FLRT1: variants seen among roughly 807,000 people sequenced by gnomAD.
FLRT1 encodes the protein leucine-rich repeat transmembrane protein FLRT1.
In FLRT1, 14 loss-of-function variants were observed where a neutral mutation model predicts 30.9. That is an observed-to-expected ratio of 0.45 (90% CI 0.30 to 0.71). The LOEUF is 0.71. Ranked by LOEUF, FLRT1 falls within the 30% of genes least tolerant of loss-of-function variation. The pLI is 0.08. For missense variants in FLRT1, 737 were observed against 949.2 expected (o/e 0.78, Z 2.94); for synonymous variants, 368 against 430.4 (o/e 0.85, Z 1.80).
intron 1 of FLRT1, among the ~76,000 whole-genome samples, chr11:64,092,717 C>A (rs1944511149): frequency 6.6e-6 from 1 of 152,226 alleles, no homozygotes; most frequent in East Asian, 1.9e-4. Context: ...TGCATGTCAC[C>A]AGCACCAGGC....
chr11:64,058,700 TG>T (rs1435964117), intron 1 of FLRT1, among the ~76,000 whole-genome samples: 1 of 152,264 alleles, frequency 6.6e-6, no homozygotes, highest in Admixed American at 6.5e-5. Context: ...GCTCATTTCC[TG>T]CTCCCTGGCC....
rs1380970319 is a variant in FLRT1, at chr11:64,059,538, A to G, written c.-1038+23379A>G. Reference sequence around the variant, plus strand: ...GGCCCCCCAGGCCATCCCTGCCTGCAGGGTACTTCCACCCTCATCTGGGGA... The same window carrying G: ...GGCCCCCCAGGCCATCCCTGCCTGCGGGGTACTTCCACCCTCATCTGGGGA... On this transcript the variant is annotated intron_variant, in intron 1 of 2. Coordinates refer to ENST00000682287, the MANE Select transcript of FLRT1 (RefSeq NM_013280.5). Among the ~76,000 whole-genome samples the G allele has an allele frequency of 7.9e-5, 12 of 152,082 alleles. No individual in the cohort carries two copies. The South Asian group carries it at 2.5e-3, about 32-fold the overall frequency.
In FLRT1 at chr11:64,117,731, C is replaced by A; in HGVS notation, c.1464C>A (p.Asp488Glu). ...GSITETLVQGDKTEYLLTALE... is the reference protein window; with the variant it reads ...GSITETLVQGEKTEYLLTALE... ...TCACGGAGACCTTGGTGCAGGGGGACAAGACAGAGTACCTGCTGACAGCCC... is the reference window on the plus strand; with the variant it reads ...TCACGGAGACCTTGGTGCAGGGGGAAAAGACAGAGTACCTGCTGACAGCCC... The change falls in exon 3 of 3, where the codon GAC becomes GAA. Residue 488 changes from aspartate (D) to glutamate (E), a missense_variant. By Grantham distance (45) the Asp-to-Glu change is conservative (BLOSUM62 2). Transcript: ENST00000682287. The A allele has an allele frequency of 6.2e-7, 1 of 1,613,802 alleles. No individual in the cohort carries two copies. The highest frequency in any genetic ancestry group is 1.1e-5 in the South Asian group (1 of 91,074).
intron 1 of FLRT1, among the ~76,000 whole-genome samples, chr11:64,088,850 C>T (rs567542821): frequency 6.6e-6 from 1 of 152,200 alleles, no homozygotes; most frequent in Non-Finnish European, 1.5e-5. Context: ...TTGGCAGGGG[C>T]ACTAGGCAGG....
At chr11:64,039,969 G>A (rs1393761868) in intron 1 of FLRT1, among the ~76,000 whole-genome samples, 3 of 152,226 alleles carry the variant, frequency 2.0e-5, no homozygotes, top group Non-Finnish European at 4.4e-5. Context: ...CCTCTGGCAC[G>A]CCTGGCTCCC....
intron 1 of FLRT1, among the ~76,000 whole-genome samples, chr11:64,093,705 G>A (rs1944529620): frequency 6.6e-6 from 1 of 152,170 alleles, no homozygotes; most frequent in Non-Finnish European, 1.5e-5. Context: ...CATGGCCAAG[G>A]TCACTCCCCA....
chr11:64,101,302 C>G (rs1944666965), intron 1 of FLRT1, among the ~76,000 whole-genome samples: 1 of 152,128 alleles, frequency 6.6e-6, no homozygotes, highest in African/African-American at 2.4e-5. Flanking sequence ...CTGCCTCTAT[C>G]CTGAGAGCTA....
chr11:64,105,502 A>T (rs182710866), intron 2 of FLRT1, among the ~76,000 whole-genome samples: 30 of 152,192 alleles, frequency 2.0e-4, no homozygotes, highest in Admixed American at 9.2e-4. Context: ...TGCACTGGGG[A>T]TGCAGCCTGT....
chr11:64,095,256 A>G (rs527540158), intron 1 of FLRT1, among the ~76,000 whole-genome samples: 1 of 152,268 alleles, frequency 6.6e-6, no homozygotes, highest in South Asian at 2.1e-4. Context: ...TCTCAGGCGC[A>G]CTTTAAGTTC....
intron 2 of FLRT1, among the ~76,000 whole-genome samples, chr11:64,112,276 G>A (rs1247032152): frequency 1.3e-5 from 2 of 152,170 alleles, no homozygotes; most frequent in Non-Finnish European, 2.9e-5. Context: ...TACTTTGAGA[G>A]GCCCAGGGAG....
At chr11:64,045,215 G>A (rs952476912) in intron 1 of FLRT1, among the ~76,000 whole-genome samples, 7 of 152,152 alleles carry the variant, frequency 4.6e-5, no homozygotes, top group African/African-American at 7.2e-5. Flanking sequence ...TGGTGCCCTC[G>A]GGAGGAGTGG....
At position 64,081,322 on chromosome 11, in the gene FLRT1, T is replaced by A. The variant is rs1590880098; in HGVS notation, c.-1037-21872T>A. On this transcript the variant is annotated intron_variant, in intron 1 of 2. Transcript: ENST00000682287. The stretch of plus-strand genomic sequence containing the variant: ...CAGGCGTGAGCCACCACGCCCAGCC[T>A]ACACTTCATATTTTAAAATCAATGA... Among the ~76,000 whole-genome samples, 3 of 152,320 alleles carry A rather than the reference T, an allele frequency of 2.0e-5. No individual in the cohort carries two copies. The South Asian group carries it at 6.2e-4, about 32-fold the overall frequency.
At chr11:64,049,023 C>CCCTGGGGTGCCGGCTGCCTCCTGT (rs1245230076) in intron 1 of FLRT1, among the ~76,000 whole-genome samples, 2 of 152,206 alleles carry the variant, frequency 1.3e-5, no homozygotes, top group African/African-American at 2.4e-5. Flanking sequence ...CTGCCTCCTG[C>CCCTGGGGTGCCGGCTGCCTCCTGT]CCTGAGTGTG....
In FLRT1 at chr11:64,064,681, T is replaced by C. The variant is rs1484540178; in HGVS notation, c.-1038+28522T>C. Among the ~76,000 whole-genome samples the C allele has an allele frequency of 1.5e-5, 2 of 136,598 alleles. No individual in the cohort carries two copies. The highest frequency in any genetic ancestry group is 3.2e-5 in the Non-Finnish European group (2 of 61,974). The allele number at this position is 136,598 out of a possible 152,430, so 89.6% of individuals were successfully genotyped here. ...GGCAGGACATTAAACGGCACCGAGA[T>C]AGAAGGAGGGGGGCCCTCCCTGAGT... On this transcript the variant is annotated intron_variant, in intron 1 of 2. Coordinates refer to ENST00000682287, the MANE Select transcript of FLRT1 (RefSeq NM_013280.5). The surrounding 1 kb of genome is among the most constrained non-coding windows in gnomAD (Gnocchi z 4.5).
intron 2 of FLRT1, among the ~76,000 whole-genome samples, chr11:64,110,803 T>A (rs1050644228): frequency 2.0e-5 from 3 of 152,122 alleles, no homozygotes; most frequent in East Asian, 1.9e-4. Flanking sequence ...GATGGCCACA[T>A]AAACTATGAA....
At position 64,117,279 on chromosome 11, in the gene FLRT1, T is replaced by G; in HGVS notation, c.1012T>G (p.Trp338Gly). 6.2e-7 allele frequency: 1 copy of G among 1,614,166 alleles called. No homozygotes were observed. The highest frequency in any genetic ancestry group is 8.5e-7 in the Non-Finnish European group (1 of 1,180,012). The stretch of plus-strand genomic sequence containing the variant: ...TTGGTTTTGTGGCTGCAACCTCATG[T>G]GGCTGCGGGACTGGGTGAAGGCACG... ...NPWFCGCNLM[W>G]LRDWVKARAA... Residue 338 changes from tryptophan to glycine, a missense_variant, in exon 3 of 3, where the codon TGG (tryptophan) becomes GGG (glycine). Transcript: ENST00000682287.
intron 1 of FLRT1, among the ~76,000 whole-genome samples, chr11:64,079,462 C>G (rs903293936): frequency 2.6e-4 from 40 of 152,186 alleles, no homozygotes; most frequent in African/African-American, 9.6e-4. Context: ...AATGAGCAGC[C>G]GGGCACGCAG....
chr11:64,040,612 C>T (rs955144881), intron 1 of FLRT1, among the ~76,000 whole-genome samples: 2 of 152,210 alleles, frequency 1.3e-5, no homozygotes, highest in African/African-American at 2.4e-5. Flanking sequence ...TGTTCACCTG[C>T]GTAGACAGGT....
At chr11:64,040,478 C>T (rs1943463988) in intron 1 of FLRT1, among the ~76,000 whole-genome samples, 1 of 152,086 alleles carries the variant, frequency 6.6e-6, no homozygotes, top group Admixed American at 6.5e-5. Flanking sequence ...GCCCATCCAT[C>T]CCCAGCTCTC....
Sources: allele counts gnomAD v4.1 joint callset (sites outside exome capture counted in the v4.1 genomes callset), GRCh38; gene constraint gnomAD v4.1.1; non-coding constraint Gnocchi (gnomAD v3.1); transcripts MANE v1.5; gene names NCBI Gene and HGNC (gene_info 2026-07-23, HGNC 2026-07-21).